EML5: variants seen among roughly 807,000 people sequenced by gnomAD.
EML5 encodes the protein EMAP like 5.
In EML5, 120 loss-of-function variants were observed where a neutral mutation model predicts 250.0. That is an observed-to-expected ratio of 0.48 (90% CI 0.41 to 0.56). The LOEUF is 0.56. Among genes scored for constraint, EML5 ranks in the 20% least tolerant of loss-of-function variants. The probability of loss-of-function intolerance (pLI) is 0.00; values close to 1 mark genes in which losing one functional copy is unlikely to be tolerated. For missense variants in EML5, 2,006 were observed against 2,437.6 expected, an observed-to-expected ratio of 0.82 and a Z score of 3.73; for synonymous variants, 771 against 806.5, an observed-to-expected ratio of 0.96 and a Z score of 0.75.
chr14:88,715,726 C>T (rs1259016909), intron 8 of EML5, among the ~76,000 whole-genome samples: 9 of 150,570 alleles, frequency 6.0e-5, no homozygotes, highest in Admixed American at 2.0e-4. Flanking sequence ...GGCATGATCT[C>T]GGCTCACTGC....
In EML5 at chr14:88,660,777, A is replaced by G. The variant is rs2092068991; in HGVS notation, c.3675+877T>C. 2.0e-5 allele frequency among the ~76,000 whole-genome samples: 3 copies of G among 152,070 alleles called. 1 individual carries two copies. The South Asian group carries it at 6.2e-4, about 32-fold the overall frequency. On this transcript the variant is annotated intron_variant, in intron 25 of 43. Coordinates refer to ENST00000554922, the MANE Select transcript of EML5 (RefSeq NM_183387.3). The stretch of plus-strand genomic sequence containing the variant: ...AAAGAAAAAAGAAAAAAAAAACTTA[A>G]TATACATAAGCAGGAAGTAAATACC...
At chr14:88,641,839 G>A (rs556842907) in intron 31 of EML5, among the ~76,000 whole-genome samples, 2 of 152,214 alleles carry the variant, frequency 1.3e-5, no homozygotes, top group East Asian at 3.9e-4. Context: ...TTACAAATCA[G>A]AAAAGTAAAA....
chr14:88,768,733 C>A (rs2094353305), intron 1 of EML5, among the ~76,000 whole-genome samples: 1 of 152,068 alleles, frequency 6.6e-6, no homozygotes, highest in Non-Finnish European at 1.5e-5. Context: ...TCTCTTTTTT[C>A]TCTCTTTTCT....
At position 88,792,745 on chromosome 14, in the gene EML5, A is replaced by G; in HGVS notation, c.-242T>C. On this transcript the variant is annotated 5_prime_UTR_variant, in exon 1 of 44. Transcript: ENST00000554922. This position sits in a 1 kb window ranked among gnomAD's most constrained non-coding sequence, Gnocchi z 6.9. ...GCGAGCGCCGCCGGCTGTCAAGTGGATGCCCAGAGCCCTTCGCCCGCCTCG... is the reference window on the plus strand; with the variant it reads ...GCGAGCGCCGCCGGCTGTCAAGTGGGTGCCCAGAGCCCTTCGCCCGCCTCG... 5 of 1,070,102 alleles carry G rather than the reference A, an allele frequency of 4.7e-6. No individual in the cohort carries two copies. Among genetic ancestry groups the G allele is most frequent in the Non-Finnish European group, 5.6e-6 (5 of 885,714 alleles). The allele number at this position is 1,070,102 out of a possible 1,614,324, so 66.3% of individuals were successfully genotyped here.
chr14:88,722,345 C>T (rs558000211), intron 8 of EML5, among the ~76,000 whole-genome samples: 1 of 152,198 alleles, frequency 6.6e-6, no homozygotes, highest in African/African-American at 2.4e-5. Flanking sequence ...TTCACAATAA[C>T]AAAGACATGG....
At chr14:88,737,738 T>C (rs1267047094) in intron 6 of EML5, among the ~76,000 whole-genome samples, 1 of 152,246 alleles carries the variant, frequency 6.6e-6, no homozygotes, top group African/African-American at 2.4e-5. Flanking sequence ...ACCTAGTTCC[T>C]ACCCATCCTT....
intron 17 of EML5, among the ~76,000 whole-genome samples, chr14:88,689,999 C>T (rs2141266357): frequency 6.6e-6 from 1 of 152,172 alleles, no homozygotes; most frequent in Non-Finnish European, 1.5e-5. Flanking sequence ...TAAGCCTCAT[C>T]AAGAAGGTGT....
intron 17 of EML5, 85 bp from the exon 18 acceptor site, chr14:88,688,558 G>A: frequency 7.2e-7 from 1 of 1,390,794 alleles, no homozygotes; most frequent in East Asian, 2.3e-5. Flanking sequence ...TACTGTTGTT[G>A]TTGTTGTTTG....
chr14:88,734,967 C>A (rs2093816483), intron 7 of EML5, among the ~76,000 whole-genome samples: 2 of 151,924 alleles, frequency 1.3e-5, no homozygotes, highest in Admixed American at 1.3e-4. Flanking sequence ...TTTTATGAGA[C>A]AATCAGGAAT....
chr14:88,750,949 C>T (rs544390760), intron 2 of EML5, among the ~76,000 whole-genome samples: 1 of 152,296 alleles, frequency 6.6e-6, no homozygotes, highest in South Asian at 2.1e-4. Flanking sequence ...GCTGTTCTTT[C>T]TACTAATGTC....
At chr14:88,639,195 T>C (rs2090918369) in intron 31 of EML5, among the ~76,000 whole-genome samples, 1 of 152,190 alleles carries the variant, frequency 6.6e-6, no homozygotes, top group East Asian at 1.9e-4. Context: ...AAGATTAATC[T>C]CATCATGGGA....
At chr14:88,634,389 ATATACT>A in intron 33 of EML5, 74 bp downstream of exon 33, 1 of 935,078 alleles carries the variant, frequency 1.1e-6, no homozygotes, top group Non-Finnish European at 1.6e-6. Context: ...GAACGGACTA[ATATACT>A]TGAACTTAAG....
In EML5 at chr14:88,621,707, C is replaced by G. The variant is rs187815283; in HGVS notation, c.5014-406G>C. The G allele has an allele frequency of 1.8e-5, 5 of 278,406 alleles. No individual in the cohort carries two copies. In the East Asian group the frequency reaches 4.3e-4, roughly 24 times the overall value. The allele number at this position is 278,406 out of a possible 1,614,324, so 17.2% of individuals were successfully genotyped here. ...TAATATGCAGGCTGAAGATAATATC[C>G]GTATGATTTATAAATACACTTAATA... On this transcript the variant is annotated intron_variant, in intron 37 of 43. Coordinates refer to ENST00000554922, the MANE Select transcript of EML5 (RefSeq NM_183387.3).
intron 7 of EML5, 148 bp downstream of exon 7, chr14:88,736,216 G>A: frequency 1.2e-6 from 1 of 803,644 alleles, no homozygotes; most frequent in Non-Finnish European, 2.0e-6. Context: ...GGCCAGGATG[G>A]TCTCAATCCC....
In EML5 at chr14:88,688,346, G is replaced by A; in HGVS notation, c.2667C>T (p.Ile889=). ...TTTTTACAAGAAAGATGTCTCTCCA[G>A]ATACACACATCTCCTGTGGATGTTC... ...FSGTSTGDVC[I]WRDIFLVKTV... Residue 889 remains isoleucine (I), a synonymous_variant, in exon 18 of 44, where the codon ATC becomes ATT. Coordinates refer to ENST00000554922, the MANE Select transcript of EML5 (RefSeq NM_183387.3). 1 of 1,613,944 alleles carries A rather than the reference G, an allele frequency of 6.2e-7. No individual in the cohort carries two copies. Among genetic ancestry groups the A allele is most frequent in the Non-Finnish European group, 8.5e-7 (1 of 1,179,884 alleles).
At chr14:88,749,179 C>T (rs2140327407) in intron 2 of EML5, among the ~76,000 whole-genome samples, 1 of 152,164 alleles carries the variant, frequency 6.6e-6, no homozygotes, top group South Asian at 2.1e-4. Context: ...TTCTAAACAG[C>T]AGCCAGACAA....
chr14:88,792,351 C>G lies in EML5; in HGVS notation c.153G>C (p.Glu51Asp). The G allele has an allele frequency of 6.4e-7, 1 of 1,567,310 alleles. No individual in the cohort carries two copies. Reference protein sequence around the residue: ...AGVGVVYSPREHRQKFYRGHS... With the variant: ...AGVGVVYSPRDHRQKFYRGHS... ...GGCCCCGGTAGAACTTCTGCCTGTG[C>G]TCCCGCGGGCTGTACACCACGCCGA... The change falls in exon 1 of 44, where the codon GAG becomes GAC. Residue 51 changes from glutamate (E) to aspartate (D), a missense_variant. By Grantham distance (45) the Glu-to-Asp change is conservative. Transcript: ENST00000554922. This position sits in a 1 kb window ranked among gnomAD's most constrained non-coding sequence, Gnocchi z 6.9.
Position 88,627,667 on chromosome 14 carries a change from T to C in EML5, c.4510A>G (p.Thr1504Ala). The C allele has an allele frequency of 6.2e-7, 1 of 1,607,234 alleles. No individual in the cohort carries two copies. ...CTACCTTCCTGCCATCTCCAAATGG[T>C]AATAGTATGTTCTGGGTCTAGTCCC... ...SVGLDPEHTI[T>A]IWRWQEGAKI... Residue 1504 changes from threonine to alanine, a missense_variant, in exon 34 of 44, where the codon ACC becomes GCC. Coordinates refer to ENST00000554922, the MANE Select transcript of EML5 (RefSeq NM_183387.3).
At chr14:88,764,127 T>G (rs2094288363) in intron 1 of EML5, among the ~76,000 whole-genome samples, 1 of 152,208 alleles carries the variant, frequency 6.6e-6, no homozygotes, top group Admixed American at 6.5e-5. Flanking sequence ...ATTATCCTAC[T>G]GACGGATTTT....
Sources: gnomAD v4.1 joint callset for allele counts (sites outside exome capture counted in the v4.1 genomes callset) on GRCh38, gnomAD v4.1.1 for gene constraint, Gnocchi (gnomAD v3.1) non-coding constraint, MANE v1.5 for transcripts, NCBI Gene and HGNC (gene_info 2026-07-23, HGNC 2026-07-21) for gene names.